Variants in TTC39A observed in about 807,000 individuals in gnomAD.
The protein encoded by TTC39A is tetratricopeptide repeat protein 39A.
TTC39A carries 46 observed loss-of-function variants against 82.3 expected under a neutral mutation model. The observed-to-expected ratio is 0.56, with a 90% confidence interval of 0.44 to 0.71. The LOEUF (loss-of-function observed/expected upper bound fraction) is 0.71. TTC39A is among the 30% of genes least tolerant of loss of function. The pLI, the probability that TTC39A is intolerant of heterozygous loss-of-function variation, is 0.00. For missense variants in TTC39A, 543 were observed against 712.9 expected, an observed-to-expected ratio of 0.76 and a Z score of 2.71; for synonymous variants, 254 against 275.2, an observed-to-expected ratio of 0.92 and a Z score of 0.76.
At chr1:51,308,787 G>A (rs1211460873) in intron 6 of TTC39A, among the ~76,000 whole-genome samples, 3 of 151,910 alleles carry the variant, frequency 2.0e-5, no homozygotes, top group African/African-American at 7.3e-5. Context: ...GCACGTGTGT[G>A]TGTATGTGTG....
intron 1 of TTC39A, chr1:51,322,329 G>A: frequency 7.4e-7 from 1 of 1,351,962 alleles, no homozygotes; most frequent in Non-Finnish European, 9.5e-7. Flanking sequence ...CCAAACGAGA[G>A]GCCCAGGGCC....
At chr1:51,330,728 G>T, upstream of TTC39A, 6 of 670,008 alleles carry the variant, frequency 9.0e-6, no homozygotes, top group Non-Finnish European at 1.1e-5. The surrounding 1 kb of genome is among the most constrained non-coding windows in gnomAD (Gnocchi z 4.5). Context: ...CCCCCGCTCC[G>T]ACAGGTGAGA....
chr1:51,344,520 TC>T (rs2148325883), intron 1 of TTC39A, among the ~76,000 whole-genome samples: 1 of 152,198 alleles, frequency 6.6e-6, no homozygotes, highest in South Asian at 2.1e-4. Context: ...ACCCAGGACT[TC>T]CCCCACCTGC....
chr1:51,312,518 G>A (rs1029731211), intron 3 of TTC39A, among the ~76,000 whole-genome samples: 2 of 152,018 alleles, frequency 1.3e-5, no homozygotes, highest in African/African-American at 2.4e-5. Context: ...CCGACGTTTC[G>A]GCTCCTCTCC....
At chr1:51,329,057 G>A (rs1055528672) in intron 1 of TTC39A, among the ~76,000 whole-genome samples, 5 of 152,214 alleles carry the variant, frequency 3.3e-5, no homozygotes, top group African/African-American at 4.8e-5. Flanking sequence ...ACCCACCAGC[G>A]TGAGAAGAGC....
rs191517703 is a variant in TTC39A, at chr1:51,321,708, G to T, written c.146+13C>A. 1.2e-6 allele frequency: 2 copies of T among 1,612,970 alleles called. No individual in the cohort carries two copies. The highest frequency in any genetic ancestry group is 2.2e-5 in the South Asian group (2 of 90,768). On this transcript the variant is annotated intron_variant, in intron 2 of 17. Transcript: ENST00000680483. The surrounding 1 kb of genome is among the most constrained non-coding windows in gnomAD (Gnocchi z 4.6). Reference sequence around the variant, plus strand: ...ATGCACACCCCCTACCCCAACCGGGGCTTGAGCCTCACCTGGGCTTGAGGT... The same window carrying T: ...ATGCACACCCCCTACCCCAACCGGGTCTTGAGCCTCACCTGGGCTTGAGGT...
Position 51,312,934 on chromosome 1 carries a change from T to C in TTC39A, c.156A>G (p.Glu52=). The change falls in exon 3 of 18, where the codon GAA becomes GAG. Residue 52 remains glutamate, a synonymous_variant. Coordinates refer to ENST00000680483, the MANE Select transcript of TTC39A (RefSeq NM_001297663.2). ...CATATGTCAGTGAGTGGTACATGCT[T>C]TCCTTGGTTCTGCCAAAGAGAAGAG... ...ALSYLKPRTK[E]SMYHSLTYAT... 1.2e-6 allele frequency: 2 copies of C among 1,613,384 alleles called. No homozygotes were observed. Among genetic ancestry groups the C allele is most frequent in the South Asian group, 1.1e-5 (1 of 91,042 alleles).
Position 51,288,014 on chromosome 1 carries a change from C to T in TTC39A, c.*143G>A, listed in dbSNP as rs906694459. 1.1e-5 allele frequency: 15 copies of T among 1,325,874 alleles called. No homozygotes were observed. Among genetic ancestry groups the T allele is most frequent in the African/African-American group, 1.0e-4 (7 of 67,970 alleles). 82.1% of individuals were successfully genotyped at this position (1,325,874 alleles called of 1,614,324 possible). On this transcript the variant is annotated 3_prime_UTR_variant, in exon 18 of 18. Coordinates refer to ENST00000680483, the MANE Select transcript of TTC39A (RefSeq NM_001297663.2). This position sits in a 1 kb window ranked among gnomAD's most constrained non-coding sequence, Gnocchi z 4.8. Reference sequence around the variant, plus strand: ...TGAAAATGCCAGCTCGGCTTCTGCACGGATACACTATGTTGTGCCATCCAA... The same window carrying T: ...TGAAAATGCCAGCTCGGCTTCTGCATGGATACACTATGTTGTGCCATCCAA...
intron 2 of TTC39A, among the ~76,000 whole-genome samples, chr1:51,316,425 C>T (rs1317771169): frequency 6.6e-6 from 1 of 152,184 alleles, no homozygotes. Context: ...ACTGCTTAGC[C>T]TAGTGTCCTC....
chr1:51,308,221 A>G (rs1644944064), intron 6 of TTC39A, among the ~76,000 whole-genome samples: 1 of 149,868 alleles, frequency 6.7e-6, no homozygotes, highest in Admixed American at 6.6e-5. Flanking sequence ...TCTACTCTCT[A>G]TAAACCTCTT....
chr1:51,303,045 G>A lies in TTC39A; in HGVS notation c.763+39C>T, dbSNP rs182775460. ...CTCGTTCTCCTTCCCCCTTGGAGAC[G>A]ACCAAACCCCAGGGCCCCAGGTCCC... On this transcript the variant is annotated intron_variant, in intron 9 of 17. Transcript: ENST00000680483. The A allele has an allele frequency of 2.8e-5, 43 of 1,539,284 alleles. No individual in the cohort carries two copies. In the Admixed American group the frequency reaches 4.9e-4, roughly 18 times the overall value.
At chr1:51,323,153 G>A (rs1335233171) in intron 1 of TTC39A, among the ~76,000 whole-genome samples, 1 of 151,334 alleles carries the variant, frequency 6.6e-6, no homozygotes, top group African/African-American at 2.4e-5. Flanking sequence ...TACCCAATAA[G>A]CAACACTCCT....
At chr1:51,326,746 G>A (rs1389440626) in intron 1 of TTC39A, among the ~76,000 whole-genome samples, 2 of 152,170 alleles carry the variant, frequency 1.3e-5, no homozygotes. Context: ...CCCCTCACCT[G>A]GCTGAGACTG....
At chr1:51,316,378 G>A (rs1334060974) in intron 2 of TTC39A, among the ~76,000 whole-genome samples, 2 of 152,092 alleles carry the variant, frequency 1.3e-5, no homozygotes, top group African/African-American at 4.8e-5. Flanking sequence ...CACTCCCGCT[G>A]CCCATCCTCC....
chr1:51,336,939 C>T (rs552440587), intron 1 of TTC39A, among the ~76,000 whole-genome samples: 90 of 152,242 alleles, frequency 5.9e-4, no homozygotes, highest in African/African-American at 1.9e-3. Context: ...GGGAGAATTG[C>T]TTGAGGCCAG....
At chr1:51,303,250 C>G (rs1211559514) in intron 8 of TTC39A, 58 bp from the exon 9 acceptor site, 5 of 1,442,542 alleles carry the variant, frequency 3.5e-6, no homozygotes, top group African/African-American at 2.8e-5. Flanking sequence ...TGGGAGGCAG[C>G]TGGACAGCTG....
At chr1:51,340,587 C>T (rs1408357372) in intron 1 of TTC39A, among the ~76,000 whole-genome samples, 1 of 152,172 alleles carries the variant, frequency 6.6e-6, no homozygotes, top group Non-Finnish European at 1.5e-5. Context: ...TCTTACTTGA[C>T]CCCACCTCTC....
chr1:51,344,957 C>T, intron 1 of TTC39A: 1 of 1,525,798 alleles, frequency 6.6e-7, no homozygotes, highest in Non-Finnish European at 8.8e-7. Context: ...GTCCCGTCCG[C>T]GCCTTCCGCC....
At chr1:51,329,221 G>A (rs1017733229) in intron 1 of TTC39A, among the ~76,000 whole-genome samples, 4 of 152,230 alleles carry the variant, frequency 2.6e-5, no homozygotes, top group Admixed American at 2.0e-4. Flanking sequence ...CTCCATGCCC[G>A]CCTTCTCTCC....
Sources: gnomAD v4.1 joint callset for allele counts (sites outside exome capture counted in the v4.1 genomes callset) on GRCh38, gnomAD v4.1.1 for gene constraint, Gnocchi (gnomAD v3.1) non-coding constraint, MANE v1.5 for transcripts, NCBI Gene and HGNC (gene_info 2026-07-23, HGNC 2026-07-21) for gene names.